ASAP2: variants seen among roughly 807,000 people sequenced by gnomAD.
ASAP2 encodes the protein ArfGAP with SH3 domain, ankyrin repeat and PH domain 2.
Under a neutral mutation model 131.4 loss-of-function variants are expected in ASAP2, and 45 were observed. The observed-to-expected ratio is 0.34, with a 90% CI of 0.27 to 0.44. ASAP2 has a LOEUF of 0.44. Among genes scored for constraint, ASAP2 ranks in the 20% least tolerant of loss-of-function variants. ASAP2 has a pLI of 1.00. For synonymous variants in ASAP2, 510 were observed against 503.0 expected (o/e 1.01, Z -0.19); for missense variants, 1,011 against 1,297.0 (o/e 0.78, Z 3.39).
chr2:9,326,251 A>T (rs1036850829), intron 6 of ASAP2, among the ~76,000 whole-genome samples: 1 of 152,154 alleles, frequency 6.6e-6, no homozygotes, highest in Non-Finnish European at 1.5e-5. Context: ...AACAAACATG[A>T]CTTTAAAATT....
intron 8 of ASAP2, 104 bp from the exon 9 acceptor site, chr2:9,334,989 G>A (rs1671105408): frequency 2.9e-6 from 4 of 1,365,288 alleles, no homozygotes; most frequent in Non-Finnish European, 4.1e-6. Context: ...AGCGAGGGAG[G>A]CAGTTGTCGC....
intron 2 of ASAP2, 60 bp from the exon 3 acceptor site, chr2:9,297,240 C>T: frequency 2.5e-6 from 4 of 1,593,958 alleles, no homozygotes; most frequent in Non-Finnish European, 3.4e-6. Flanking sequence ...CGAGAAGAAC[C>T]TGGTGGGGAG....
intron 1 of ASAP2, among the ~76,000 whole-genome samples, chr2:9,253,060 G>A (rs566509881): frequency 3.3e-5 from 5 of 152,270 alleles, no homozygotes; most frequent in African/African-American, 7.2e-5. Flanking sequence ...AGCCAATCCC[G>A]AGGCAACAAA....
rs191960092 is a variant in ASAP2, at chr2:9,350,934, G to T, written c.1111+39G>T. 5 of 1,504,734 alleles carry T rather than the reference G, an allele frequency of 3.3e-6. No homozygotes were observed. In the African/African-American group the frequency reaches 4.1e-5, roughly 12 times the overall value. The allele number at this position is 1,504,734 out of a possible 1,614,324, so 93.2% of individuals were successfully genotyped here. On this transcript the variant is annotated intron_variant, in intron 12 of 27. Coordinates refer to ENST00000281419, the MANE Select transcript of ASAP2 (RefSeq NM_003887.3). ...TGAGATGCCGCGCCATAGAGACGTTGTCTTATGCTCTCCTCTGGGGCGTCC... is the reference window on the plus strand; with the variant it reads ...TGAGATGCCGCGCCATAGAGACGTTTTCTTATGCTCTCCTCTGGGGCGTCC...
At chr2:9,367,420 G>A (rs1207280126) in intron 15 of ASAP2, among the ~76,000 whole-genome samples, 1 of 152,192 alleles carries the variant, frequency 6.6e-6, no homozygotes, top group Non-Finnish European at 1.5e-5. Context: ...TTTTCTCAAA[G>A]CACTGAGCTT....
chr2:9,318,675 C>T (rs975247127), intron 4 of ASAP2, 77 bp downstream of exon 4: 17 of 904,970 alleles, frequency 1.9e-5, no homozygotes, highest in Non-Finnish European at 2.6e-5. Flanking sequence ...TGCCGGGCAG[C>T]AGCCACGCCA....
intron 7 of ASAP2, among the ~76,000 whole-genome samples, chr2:9,332,058 G>C (rs1360413461): frequency 6.6e-6 from 1 of 152,112 alleles, no homozygotes; most frequent in Non-Finnish European, 1.5e-5. Flanking sequence ...GAGCTACTCT[G>C]CTTGGTGGGT....
In ASAP2 at chr2:9,327,808, C is replaced by CT; in HGVS notation, c.601-14dup. 1 of 1,570,232 alleles carries CT rather than the reference C, an allele frequency of 6.4e-7. No individual in the cohort carries two copies. Among genetic ancestry groups the CT allele is most frequent in the Middle Eastern group, 1.7e-4 (1 of 5,974 alleles). The stretch of plus-strand genomic sequence containing the variant: ...ATTCTGCTTACTTCCATGACATTTC[C>CT]TTTTCATTGTTCAACAGTATCTGCT... On this transcript the variant is annotated splice_polypyrimidine_tract_variant and intron_variant, in intron 6 of 27. Transcript: ENST00000281419.
intron 1 of ASAP2, among the ~76,000 whole-genome samples, chr2:9,231,407 A>G (rs1482537095): frequency 2.0e-5 from 3 of 152,138 alleles, no homozygotes; most frequent in Non-Finnish European, 2.9e-5. Context: ...AGCATCTGGT[A>G]TGGAGGCAAC....
intron 3 of ASAP2, among the ~76,000 whole-genome samples, chr2:9,301,331 G>C (rs1668458844): frequency 6.6e-6 from 1 of 152,188 alleles, no homozygotes; most frequent in Non-Finnish European, 1.5e-5. Flanking sequence ...TAATGGGTGA[G>C]ATTCTCACCT....
At chr2:9,332,254 T>C (rs575985223) in intron 7 of ASAP2, among the ~76,000 whole-genome samples, 20 of 152,284 alleles carry the variant, frequency 1.3e-4, no homozygotes, top group Non-Finnish European at 1.8e-4. Context: ...TGGGGCTATG[T>C]AGTTAGGACT....
At chr2:9,231,667 G>A (rs184182688) in intron 1 of ASAP2, among the ~76,000 whole-genome samples, 196 of 152,346 alleles carry the variant, frequency 1.3e-3, no homozygotes, top group African/African-American at 4.6e-3. Context: ...GGGCCTGTCT[G>A]TCTGCCTGGC....
chr2:9,348,144 T>C (rs997485776), intron 11 of ASAP2, among the ~76,000 whole-genome samples: 7 of 152,250 alleles, frequency 4.6e-5, no homozygotes, highest in African/African-American at 1.7e-4. Context: ...GTTTGTTTTT[T>C]TCTTTTTGAG....
intron 2 of ASAP2, among the ~76,000 whole-genome samples, chr2:9,293,994 G>T (rs975961116): frequency 7.2e-6 from 1 of 138,086 alleles, no homozygotes; most frequent in Non-Finnish European, 1.6e-5. Flanking sequence ...ATAAGGACAA[G>T]AATTTTTTTT....
chr2:9,214,251 T>A lies in ASAP2; in HGVS notation c.126+7021T>A, dbSNP rs182355585. On this transcript the variant is annotated intron_variant, in intron 1 of 27. Coordinates refer to ENST00000281419, the MANE Select transcript of ASAP2 (RefSeq NM_003887.3). ...TTTCTTTTCTTTTTCTTTTTTATTT[T>A]GTTTGAGGTGGAGTCTTGCTCGGTT... 3.5e-3 allele frequency among the ~76,000 whole-genome samples: 526 copies of A among 152,350 alleles called. 4 individuals are homozygous for A. The highest frequency in any genetic ancestry group is 0.012 in the African/African-American group (504 of 41,576).
intron 12 of ASAP2, among the ~76,000 whole-genome samples, chr2:9,354,179 C>G (rs1672534592): frequency 6.6e-6 from 1 of 152,170 alleles, no homozygotes; most frequent in East Asian, 1.9e-4. Context: ...TGAGGTGACC[C>G]AAGTGAGTCC....
At chr2:9,299,269 C>T (rs1370500924) in intron 3 of ASAP2, among the ~76,000 whole-genome samples, 1 of 152,142 alleles carries the variant, frequency 6.6e-6, no homozygotes, top group Non-Finnish European at 1.5e-5. Context: ...TAAAAGCTTC[C>T]AGACAGCAGC....
intron 14 of ASAP2, among the ~76,000 whole-genome samples, chr2:9,357,349 C>A (rs1340128263): frequency 6.6e-6 from 1 of 151,938 alleles, no homozygotes; most frequent in East Asian, 1.9e-4. Flanking sequence ...CGTGGTAGTG[C>A]GCACATGTAG....
At chr2:9,354,300 G>T (rs1400472045) in intron 12 of ASAP2, among the ~76,000 whole-genome samples, 1 of 152,232 alleles carries the variant, frequency 6.6e-6, no homozygotes, top group Non-Finnish European at 1.5e-5. Flanking sequence ...CTGGCCACCA[G>T]CACCTGAGTG....
Sources: allele counts gnomAD v4.1 joint callset (sites outside exome capture counted in the v4.1 genomes callset), GRCh38; gene constraint gnomAD v4.1.1; transcripts MANE v1.5; gene names NCBI Gene and HGNC (gene_info 2026-07-23, HGNC 2026-07-21).